The following MORN1 variants were observed in gnomAD, a reference collection of about 807,000 sequenced individuals.
MORN1 encodes the protein MORN repeat containing 1.
A neutral mutation model predicts 61.9 loss-of-function variants in MORN1; 67 were observed. That is an observed-to-expected ratio of 1.08 (90% confidence interval 0.89 to 1.33). The LOEUF is 1.33. MORN1 is among the 40% of genes most tolerant of loss of function. The pLI is 0.00. For synonymous variants in MORN1, 301 were observed against 292.0 expected (o/e 1.03, Z -0.31); for missense variants, 752 against 691.2 (o/e 1.09, Z -0.99).
chr1:2,351,970 C>T (rs959477960), intron 10 of MORN1: 9 of 522,610 alleles, frequency 1.7e-5, no homozygotes, highest in Non-Finnish European at 3.0e-5. Flanking sequence ...CGAGGGACAC[C>T]AGTAGGCATG....
At chr1:2,388,535 C>T (rs1033203227) in intron 2 of MORN1, 198 bp from the exon 3 acceptor site, 26 of 536,196 alleles carry the variant, frequency 4.8e-5, no homozygotes, top group Non-Finnish European at 7.3e-5. Flanking sequence ...CTTGAGCGGC[C>T]GGCGCCTTCA....
intron 6 of MORN1, chr1:2,376,823 G>C (rs1026883384): frequency 6.6e-6 from 1 of 152,110 alleles, no homozygotes; most frequent in Admixed American, 6.6e-5. Flanking sequence ...CCAATAGCCC[G>C]GTCTTGTCTA....
chr1:2,378,903 C>T (rs949023182), intron 6 of MORN1: 1 of 455,756 alleles, frequency 2.2e-6, no homozygotes. Context: ...CCGGCCTGAG[C>T]CGCGTGGCTC....
chr1:2,391,312 G>C (rs1330700765), intron 1 of MORN1, 146 bp downstream of exon 1: 1 of 948,362 alleles, frequency 1.1e-6, no homozygotes. Context: ...TGGGAGTGGG[G>C]GACGCGGGGG....
intron 7 of MORN1, 140 bp downstream of exon 7, chr1:2,374,321 G>T: frequency 1.5e-6 from 1 of 666,682 alleles, no homozygotes; most frequent in South Asian, 2.0e-5. Context: ...TTCCTTAAAA[G>T]GGGTGGGGTT....
intron 8 of MORN1, among the ~76,000 whole-genome samples, chr1:2,358,972 T>C (rs1405059972): frequency 6.6e-6 from 1 of 152,128 alleles, no homozygotes; most frequent in Non-Finnish European, 1.5e-5. Context: ...TGTACCCCTG[T>C]ACCCCTTGCC....
In MORN1 at chr1:2,325,129, T is replaced by TCCCTC. The variant is rs796554816; in HGVS notation, c.1251-987_1251-986insGAGGG. 8.2e-4 allele frequency among the ~76,000 whole-genome samples: 45 copies of TCCCTC among 55,178 alleles called. 3 individuals carry two copies. The highest frequency in any genetic ancestry group is 6.0e-3 in the African/African-American group (43 of 7,136). The allele number at this position is 55,178 out of a possible 152,430, so 36.2% of individuals were successfully genotyped here. A position where few individuals can be genotyped will look rare whatever the true frequency, so the allele number is the denominator to read the frequency against. ...CTTTCCTTCCCTTCCTTCCCTTCCT[T>TCCCTC]CCTTCCCTCCCTCCCTCCCTTCCTT... On this transcript the variant is annotated intron_variant, in intron 12 of 13. Transcript: ENST00000378531.
intron 10 of MORN1, among the ~76,000 whole-genome samples, chr1:2,347,671 G>T (rs959623533): frequency 6.6e-6 from 1 of 152,138 alleles, no homozygotes; most frequent in African/African-American, 2.4e-5. Flanking sequence ...CTGCCCGTGC[G>T]ATGCTCCCAG....
chr1:2,370,951 A>G (rs570381899), intron 8 of MORN1, among the ~76,000 whole-genome samples: 8 of 152,046 alleles, frequency 5.3e-5, no homozygotes, highest in African/African-American at 1.7e-4. Context: ...CACGTCTGTA[A>G]TCCCAGCACT....
At chr1:2,386,838 C>T (rs1642509861) in intron 4 of MORN1, 1 of 154,686 alleles carries the variant, frequency 6.5e-6, no homozygotes, top group East Asian at 1.9e-4. Context: ...GGCTGTGGGA[C>T]TACGGCCCGT....
In MORN1 at chr1:2,387,470, A is replaced by C. The variant is rs1185952600; in HGVS notation, c.307T>G (p.Tyr103Asp). 6.2e-7 allele frequency: 1 copy of C among 1,613,536 alleles called. No individual in the cohort carries two copies. The highest frequency in any genetic ancestry group is 8.5e-7 in the Non-Finnish European group (1 of 1,179,976). The stretch of plus-strand genomic sequence containing the variant: ...CCTTCATAACATCCGCCGGCTTTGT[A>C]CTCCATGACGCCGTAGCCTTGAGGC... ...GEPQGYGVMEYKAGGCYEGEV... is the reference protein window; with the variant it reads ...GEPQGYGVMEDKAGGCYEGEV... The change falls in exon 4 of 14, where the codon TAC becomes GAC. Residue 103 changes from tyrosine (Y) to aspartate (D), a missense_variant. Coordinates refer to ENST00000378531, the MANE Select transcript of MORN1 (RefSeq NM_024848.3).
At chr1:2,340,033 C>T (rs1256454702) in intron 10 of MORN1, among the ~76,000 whole-genome samples, 7 of 152,240 alleles carry the variant, frequency 4.6e-5, no homozygotes, top group Non-Finnish European at 8.8e-5. Context: ...TGCGCCTGGG[C>T]TCTGCCGCTG....
rs1177018545 is a variant in MORN1, at chr1:2,389,973, T to G, written c.100A>C (p.Asn34His). Residue 34 changes from asparagine (N) to histidine (H), a missense_variant, in exon 2 of 14, where the codon AAT (asparagine) becomes CAT (histidine). Asn to His is a moderately conservative substitution (Grantham distance 68). Transcript: ENST00000378531. ...RNGYGVYVYPNSFFRYEGEWK... is the reference protein window; with the variant it reads ...RNGYGVYVYPHSFFRYEGEWK... The stretch of plus-strand genomic sequence containing the variant: ...TCTCCTTCATATCGAAAGAAGGAAT[T>G]TGGGTATACGTAGACACCATAACCT... The G allele has an allele frequency of 3.7e-6, 6 of 1,614,044 alleles. No individual in the cohort carries two copies. Among genetic ancestry groups the G allele is most frequent in the African/African-American group, 2.7e-5 (2 of 75,022 alleles).
intron 8 of MORN1, among the ~76,000 whole-genome samples, chr1:2,360,851 C>T (rs1335127833): frequency 2.6e-5 from 4 of 152,148 alleles, no homozygotes; most frequent in South Asian, 2.1e-4. Context: ...TCACAGGAAG[C>T]GGGGGCAAGC....
chr1:2,325,125 T>TCTTC (rs1557865179), intron 12 of MORN1, among the ~76,000 whole-genome samples: 1 of 30,792 alleles, frequency 3.2e-5, no homozygotes, highest in African/African-American at 2.2e-4. Flanking sequence ...TTCCTTCCCT[T>TCTTC]CCTTCCTTCC....
At chr1:2,387,277 G>A in intron 4 of MORN1, 142 bp downstream of exon 4, 3 of 696,162 alleles carry the variant, frequency 4.3e-6, no homozygotes, top group Non-Finnish European at 7.7e-6. Flanking sequence ...GTGCGGAGAA[G>A]AGGGCATGGG....
intron 1 of MORN1, among the ~76,000 whole-genome samples, chr1:2,391,076 G>GA (rs1394825461): frequency 6.6e-6 from 1 of 152,236 alleles, no homozygotes; most frequent in Non-Finnish European, 1.5e-5. Flanking sequence ...CACCGGCCAG[G>GA]AAGTCAGGAG....
intron 10 of MORN1, among the ~76,000 whole-genome samples, chr1:2,342,267 G>A (rs1168187427): frequency 1.3e-5 from 2 of 152,186 alleles, no homozygotes; most frequent in Admixed American, 6.5e-5. Flanking sequence ...ACCTGTGTAG[G>A]GCACCAGGCA....
At chr1:2,322,675 C>T in intron 13 of MORN1, 1 of 985,480 alleles carries the variant, frequency 1.0e-6, no homozygotes, top group Non-Finnish European at 1.2e-6. Flanking sequence ...GGAGGAAGAG[C>T]CCCACATGGC....
Sources: gnomAD v4.1 joint callset for allele counts (sites outside exome capture counted in the v4.1 genomes callset) on GRCh38, gnomAD v4.1.1 for gene constraint, MANE v1.5 for transcripts, NCBI Gene and HGNC (gene_info 2026-07-23, HGNC 2026-07-21) for gene names.